Variants in WWOX observed in about 807,000 individuals in gnomAD.
WWOX encodes the protein WW domain containing oxidoreductase.
WWOX carries 69 observed loss-of-function variants against 46.2 expected under a neutral mutation model. The ratio of observed to expected loss-of-function variants is 1.49; its 90% CI spans 1.23 to 1.82. The LOEUF (loss-of-function observed/expected upper bound fraction) is 1.82. Among genes scored for constraint, WWOX ranks in the 40% most tolerant of loss-of-function variants. The probability of loss-of-function intolerance (pLI) is 0.00; values close to 1 mark genes in which losing one functional copy is unlikely to be tolerated. For missense variants in WWOX, 919 were observed against 542.6 expected (o/e 1.69, Z -6.89); for synonymous variants, 359 against 202.6 (o/e 1.77, Z -6.56).
At chr16:78,488,572 G>A (rs2738705) in intron 8 of WWOX, among the ~76,000 whole-genome samples, 11,815 of 152,100 alleles carry the variant, frequency 0.078, 481 homozygotes, top group African/African-American at 0.088. Context: ...CTGGAGCCTG[G>A]GTCCTCAGGT....
intron 8 of WWOX, among the ~76,000 whole-genome samples, chr16:78,506,728 T>G (rs144823953): frequency 0.071 from 6,496 of 91,342 alleles, 150 homozygotes; most frequent in Non-Finnish European, 0.09. Context: ...TTTTTTTTTT[T>G]GTACAGAGTC....
intron 8 of WWOX, among the ~76,000 whole-genome samples, chr16:78,730,014 T>C (rs1313289592): frequency 3.9e-4 from 59 of 152,182 alleles, no homozygotes; most frequent in Admixed American, 3.9e-3. Context: ...TTGTGTTACT[T>C]CCAGTTGTTT....
At chr16:78,843,354 A>G (rs918316912) in intron 8 of WWOX, among the ~76,000 whole-genome samples, 1 of 150,066 alleles carries the variant, frequency 6.7e-6, no homozygotes, top group African/African-American at 2.4e-5. Flanking sequence ...GTCCAACCCA[A>G]TCTGGAAAAC....
chr16:78,708,675 A>G (rs781397077), intron 8 of WWOX, among the ~76,000 whole-genome samples: 1 of 152,230 alleles, frequency 6.6e-6, no homozygotes, highest in Non-Finnish European at 1.5e-5. Context: ...ATTAGAACCC[A>G]GTGAGTTCAG....
At chr16:78,919,513 C>G (rs866701063) in intron 8 of WWOX, among the ~76,000 whole-genome samples, 4 of 113,816 alleles carry the variant, frequency 3.5e-5, no homozygotes, top group African/African-American at 9.3e-5. Context: ...TTTCTTTTAT[C>G]TTTTTGTTTT....
At chr16:78,481,700 A>G (rs182083499) in intron 8 of WWOX, among the ~76,000 whole-genome samples, 30 of 146,216 alleles carry the variant, frequency 2.1e-4, no homozygotes, top group Non-Finnish European at 3.8e-4. Flanking sequence ...CAAGAATGCT[A>G]TGACTTTTGC....
chr16:78,289,604 C>T (rs2079827715), intron 5 of WWOX, among the ~76,000 whole-genome samples: 1 of 152,044 alleles, frequency 6.6e-6, no homozygotes, highest in Non-Finnish European at 1.5e-5. Context: ...ATAAAACTCC[C>T]CTAAAGGTAA....
chr16:78,597,160 A>G (rs2045511100), intron 8 of WWOX, among the ~76,000 whole-genome samples: 1 of 152,174 alleles, frequency 6.6e-6, no homozygotes, highest in African/African-American at 2.4e-5. Flanking sequence ...GCCTTTGTAG[A>G]GGGAAAACAG....
intron 8 of WWOX, among the ~76,000 whole-genome samples, chr16:78,798,847 A>T (rs1030123782): frequency 5.3e-5 from 8 of 152,164 alleles, no homozygotes; most frequent in East Asian, 1.9e-4. Context: ...GATGCGGCCA[A>T]TGTCAGGACT....
chr16:78,923,798 T>G lies in WWOX; in HGVS notation c.1057-287810T>G, dbSNP rs112237784. Among the ~76,000 whole-genome samples the G allele has an allele frequency of 4.8e-3, 347 of 72,424 alleles. 7 individuals are homozygous for G. The highest frequency in any genetic ancestry group is 0.02 in the Middle Eastern group (3 of 150). The allele number at this position is 72,424 out of a possible 152,430, so 47.5% of individuals were successfully genotyped here. A position where few individuals can be genotyped will look rare whatever the true frequency, so the allele number is the denominator to read the frequency against. On this transcript the variant is annotated intron_variant, in intron 8 of 8. Coordinates refer to ENST00000566780, the MANE Select transcript of WWOX (RefSeq NM_016373.4). ...GCTAGGAACTGTTTTTAGTTAGTTT[T>G]TTTTTTTTTTTTTTTTTTTCAGACG...
At chr16:78,980,000 C>T (rs2046649369) in intron 8 of WWOX, among the ~76,000 whole-genome samples, 1 of 152,076 alleles carries the variant, frequency 6.6e-6, no homozygotes, top group South Asian at 2.1e-4. Context: ...TGTTGGTGGG[C>T]ACCTGTACTT....
At chr16:78,386,136 T>C (rs1247056457) in intron 5 of WWOX, among the ~76,000 whole-genome samples, 1 of 152,194 alleles carries the variant, frequency 6.6e-6, no homozygotes, top group East Asian at 1.9e-4. Flanking sequence ...CTGTGATCTC[T>C]TGTAAGATGC....
intron 5 of WWOX, among the ~76,000 whole-genome samples, chr16:78,296,774 C>A (rs1240912631): frequency 6.6e-6 from 1 of 152,062 alleles, no homozygotes; most frequent in Non-Finnish European, 1.5e-5. Flanking sequence ...AATAAAGTAA[C>A]ATATGGCTTT....
chr16:78,202,571 CA>C (rs1188044622), intron 5 of WWOX, among the ~76,000 whole-genome samples: 2 of 152,184 alleles, frequency 1.3e-5, no homozygotes, highest in African/African-American at 4.8e-5. Context: ...GTTTGGGGAA[CA>C]TTTTTGTAAG....
At chr16:79,145,228 A>G (rs1021760173) in intron 8 of WWOX, among the ~76,000 whole-genome samples, 6 of 152,192 alleles carry the variant, frequency 3.9e-5, no homozygotes, top group African/African-American at 1.4e-4. Context: ...GAACAATTTT[A>G]TGGTTCTATC....
chr16:78,974,067 C>A (rs1001742490), intron 8 of WWOX, among the ~76,000 whole-genome samples: 1 of 152,176 alleles, frequency 6.6e-6, no homozygotes, highest in South Asian at 2.1e-4. Flanking sequence ...TTTCACCTTT[C>A]TGAAAAAATC....
chr16:78,955,291 G>A (rs2046142386), intron 8 of WWOX, among the ~76,000 whole-genome samples: 1 of 152,110 alleles, frequency 6.6e-6, no homozygotes, highest in South Asian at 2.1e-4. Context: ...CCCTAAAATA[G>A]ATATTCTCCA....
At chr16:79,090,967 T>A (rs1186942208) in intron 8 of WWOX, among the ~76,000 whole-genome samples, 1 of 152,088 alleles carries the variant, frequency 6.6e-6, no homozygotes, top group Non-Finnish European at 1.5e-5. Flanking sequence ...AGCTCAAATT[T>A]TTGTATTTTT....
chr16:78,812,171 G>A (rs2142710456), intron 8 of WWOX, among the ~76,000 whole-genome samples: 1 of 152,086 alleles, frequency 6.6e-6, no homozygotes, highest in African/African-American at 2.4e-5. Context: ...GGAACTAGGT[G>A]TCCTAACTTG....
Sources: gnomAD v4.1 joint callset for allele counts (sites outside exome capture counted in the v4.1 genomes callset) on GRCh38, gnomAD v4.1.1 for gene constraint, MANE v1.5 for transcripts, NCBI Gene and HGNC (gene_info 2026-07-23, HGNC 2026-07-21) for gene names.